Variants in OTOF observed in about 807,000 individuals in gnomAD.
The protein encoded by OTOF is fer-1-like family member 2.
In OTOF, 218 loss-of-function variants were observed where a neutral mutation model predicts 236.8. The ratio of observed to expected loss-of-function variants is 0.92; its 90% CI spans 0.82 to 1.03. The LOEUF is 1.03. Among genes scored for constraint, OTOF ranks in the 50% least tolerant of loss-of-function variants. The pLI is 0.00. For synonymous variants in OTOF, 1,041 were observed against 1,072.5 expected, an observed-to-expected ratio of 0.97 and a Z score of 0.57; for missense variants, 2,590 against 2,694.4, an observed-to-expected ratio of 0.96 and a Z score of 0.86.
At position 26,476,311 on chromosome 2, in the gene OTOF, C is replaced by T. The variant is rs1453385709; in HGVS notation, c.2683G>A (p.Gly895Arg). The T allele has an allele frequency of 2.1e-5, 34 of 1,602,984 alleles. No homozygotes were observed. Among genetic ancestry groups the T allele is most frequent in the Non-Finnish European group, 2.9e-5 (34 of 1,179,750 alleles). ...CCTGCCGAGCCGAAGCCCCGCTTCC[C>T]TGGCAGCTGGGGGTGGGCATGGGGT... ...KVKTLFLKLP[G>R]KRGFGSAGWT... Residue 895 changes from glycine to arginine, a missense_variant, in exon 23 of 47, where the codon GGG becomes AGG. Coordinates refer to ENST00000272371, the MANE Select transcript of OTOF (RefSeq NM_194248.3).
chr2:26,519,148 A>G (rs1666612163), intron 3 of OTOF, 39 bp from the exon 4 acceptor site: 4 of 1,358,028 alleles, frequency 2.9e-6, no homozygotes, highest in African/African-American at 1.4e-5. Flanking sequence ...AACATGGAAG[A>G]GACCAGGGTG....
rs1667104668 is a variant in OTOF at position 26,537,633 on chromosome 2, T to C, written c.138+83A>G. On this transcript the variant is annotated intron_variant, in intron 2 of 46. Coordinates refer to ENST00000272371, the MANE Select transcript of OTOF (RefSeq NM_194248.3). ...GCCAGTGCCTGGGATTTGGGGCCAGTGTGTGCCCGCAAGAGGCAGCGAAGG... is the reference window on the plus strand; with the variant it reads ...GCCAGTGCCTGGGATTTGGGGCCAGCGTGTGCCCGCAAGAGGCAGCGAAGG... 3 of 1,037,136 alleles carry C rather than the reference T, an allele frequency of 2.9e-6. No individual in the cohort carries two copies. In the South Asian group the frequency reaches 4.1e-5, roughly 14 times the overall value. 64.2% of individuals were successfully genotyped at this position (1,037,136 alleles called of 1,614,324 possible).
chr2:26,465,157 G>T, intron 38 of OTOF, 128 bp from the exon 39 acceptor site: 1 of 779,984 alleles, frequency 1.3e-6, no homozygotes, highest in Non-Finnish European at 1.9e-6. Flanking sequence ...GATTCCTCCT[G>T]CCCTGGGCCC....
At chr2:26,510,830 C>A (rs1050688253) in intron 5 of OTOF, 18 of 959,968 alleles carry the variant, frequency 1.9e-5, no homozygotes, top group Non-Finnish European at 2.6e-5. Context: ...CAGCCCCGGC[C>A]CCACGGGCCT....
At chr2:26,465,101 G>T in intron 38 of OTOF, 72 bp from the exon 39 acceptor site, 1 of 1,339,254 alleles carries the variant, frequency 7.5e-7, no homozygotes, top group Non-Finnish European at 1.0e-6. Context: ...GCTGGTCGTG[G>T]CCAGTTCTCT....
At chr2:26,533,212 G>T (rs777751094) in intron 2 of OTOF, among the ~76,000 whole-genome samples, 2 of 152,144 alleles carry the variant, frequency 1.3e-5, no homozygotes, top group Non-Finnish European at 2.9e-5. Context: ...TTCTGAGGAG[G>T]AACAGTTTCA....
At chr2:26,480,448 C>A in intron 15 of OTOF, 137 bp from the exon 16 acceptor site, 2 of 712,572 alleles carry the variant, frequency 2.8e-6, no homozygotes, top group South Asian at 3.0e-5. Flanking sequence ...GCCAGGCAGC[C>A]CACACCCCAA....
At position 26,472,403 on chromosome 2, in the gene OTOF, T is replaced by C. The variant is rs559802547; in HGVS notation, c.3864+116A>G. 1.1e-5 allele frequency: 15 copies of C among 1,329,088 alleles called. No homozygotes were observed. The South Asian group carries it at 1.5e-4, about 14-fold the overall frequency. 82.3% of individuals were successfully genotyped at this position (1,329,088 alleles called of 1,614,324 possible). On this transcript the variant is annotated intron_variant, in intron 30 of 46. Coordinates refer to ENST00000272371, the MANE Select transcript of OTOF (RefSeq NM_194248.3). ...TCAAGCTCAGCCCCCGACAGTCACATGCCAAAGGAGGCTCTTAGTGTCCTT... is the reference window on the plus strand; with the variant it reads ...TCAAGCTCAGCCCCCGACAGTCACACGCCAAAGGAGGCTCTTAGTGTCCTT...
In OTOF at chr2:26,482,727, G is replaced by T. The variant is rs749587578; in HGVS notation, c.1393-135C>A. Reference sequence around the variant, plus strand: ...TGTGAGTGGGTGTGCATGCGTGTGTGAGTGGATGCATGTGTGCGTGTGTGA... The same window carrying T: ...TGTGAGTGGGTGTGCATGCGTGTGTTAGTGGATGCATGTGTGCGTGTGTGA... On this transcript the variant is annotated intron_variant, in intron 13 of 46. Transcript: ENST00000272371. 857 of 708,430 alleles carry T rather than the reference G, an allele frequency of 1.2e-3. 1 individual carries two copies. Among genetic ancestry groups the T allele is most frequent in the Non-Finnish European group, 1.7e-3 (717 of 416,368 alleles). The allele number at this position is 708,430 out of a possible 1,614,324, so 43.9% of individuals were successfully genotyped here.
At chr2:26,497,322 G>C (rs529872447) in intron 8 of OTOF, among the ~76,000 whole-genome samples, 1 of 152,064 alleles carries the variant, frequency 6.6e-6, no homozygotes, top group East Asian at 1.9e-4. Flanking sequence ...GATGGTCTCA[G>C]TCTCCCTCGT....
intron 3 of OTOF, among the ~76,000 whole-genome samples, chr2:26,523,719 ATG>A (rs1666735663): frequency 6.6e-6 from 1 of 152,196 alleles, no homozygotes; most frequent in Non-Finnish European, 1.5e-5. Flanking sequence ...GGAGCCTGCC[ATG>A]TGCCAGGCAC....
Position 26,471,148 on chromosome 2 carries a change from AG to A in OTOF, c.3866del (p.Thr1289IlefsTer51). On this transcript the variant is annotated frameshift_variant and splice_region_variant, in exon 31 of 47. Coordinates refer to ENST00000272371, the MANE Select transcript of OTOF (RefSeq NM_194248.3). LOFTEE classifies it high-confidence loss of function. ...CATCCACCTTGACAACAGCTTCAGA[AG>A]TCTGCAGAGGAACCAAGGAGACAGG... is the stretch of plus-strand genomic sequence containing the variant. ...KLETMVKLDA[T>X]SEAVVKVDVA... is the part of the protein sequence containing the mutation. The A allele has an allele frequency of 2.5e-6, 4 of 1,614,080 alleles. No homozygotes were observed. The highest frequency in any genetic ancestry group is 3.4e-6 in the Non-Finnish European group (4 of 1,179,982).
At chr2:26,495,999 C>A (rs1043337497) in intron 8 of OTOF, among the ~76,000 whole-genome samples, 1 of 152,200 alleles carries the variant, frequency 6.6e-6, no homozygotes, top group Non-Finnish European at 1.5e-5. Flanking sequence ...GTTTGTATGG[C>A]CAGTGCGGCT....
chr2:26,533,918 G>A (rs1345778463), intron 2 of OTOF, among the ~76,000 whole-genome samples: 2 of 152,040 alleles, frequency 1.3e-5, no homozygotes, highest in Non-Finnish European at 1.5e-5. Context: ...GGGCAGATAA[G>A]GCCAAACTCC....
At chr2:26,513,063 T>C (rs533107929) in intron 5 of OTOF, among the ~76,000 whole-genome samples, 8 of 151,732 alleles carry the variant, frequency 5.3e-5, no homozygotes, top group African/African-American at 1.9e-4. Context: ...GTGGGCAGAG[T>C]GGCTCAGAGG....
intron 5 of OTOF, among the ~76,000 whole-genome samples, chr2:26,506,153 T>A (rs1666241814): frequency 6.6e-6 from 1 of 152,090 alleles, no homozygotes; most frequent in African/African-American, 2.4e-5. Context: ...GAAGTGTAGT[T>A]TTTGTGGGCC....
chr2:26,557,994 C>T (rs922751758), intron 1 of OTOF, among the ~76,000 whole-genome samples: 2 of 151,876 alleles, frequency 1.3e-5, no homozygotes, highest in Non-Finnish European at 2.9e-5. Flanking sequence ...GGGTTCCCGC[C>T]CATGAATAGA....
intron 9 of OTOF, among the ~76,000 whole-genome samples, chr2:26,492,543 C>T (rs865947752): frequency 8.5e-5 from 13 of 152,276 alleles, no homozygotes; most frequent in East Asian, 3.9e-4. Context: ...CTGCGCAGGG[C>T]GGAAACTGTG....
At chr2:26,501,680 A>G in intron 8 of OTOF, 74 bp downstream of exon 8, 1 of 1,013,614 alleles carries the variant, frequency 9.9e-7, no homozygotes, top group South Asian at 1.3e-5. Context: ...AGTATAGTGG[A>G]TAATGCACAT....
Sources: gnomAD v4.1 joint callset for allele counts (sites outside exome capture counted in the v4.1 genomes callset) on GRCh38, gnomAD v4.1.1 for gene constraint, MANE v1.5 for transcripts, NCBI Gene and HGNC (gene_info 2026-07-23, HGNC 2026-07-21) for gene names.